PON2: variants seen among roughly 807,000 people sequenced by gnomAD.
The protein encoded by PON2 is serum paraoxonase/arylesterase 2.
PON2 carries 27 observed loss-of-function variants against 36.6 expected under a neutral mutation model. The ratio of observed to expected loss-of-function variants is 0.74; its 90% CI spans 0.54 to 1.02. The LOEUF (loss-of-function observed/expected upper bound fraction) is 1.02, where lower values mean the gene tolerates loss of function less well. PON2 is among the 50% of genes least tolerant of loss of function. The pLI is 0.00. For missense variants in PON2, 363 were observed against 421.1 expected, an observed-to-expected ratio of 0.86 and a Z score of 1.21; for synonymous variants, 149 against 156.3, an observed-to-expected ratio of 0.95 and a Z score of 0.35.
In PON2 at chr7:95,410,098, C is replaced by G; in HGVS notation, c.498G>C (p.Val166=). The part of the protein sequence containing the change: ...KTVKHELLPS[V]NDITAVGPAH... ...CCGGTCCAACAGCTGTGATGTCATT[C>G]ACACTGAAAAAGAAAAATAGCATGT... Residue 166 remains valine, a synonymous_variant, in exon 6 of 9, where the codon GTG becomes GTC. Coordinates refer to ENST00000222572, the MANE Select transcript of PON2 (RefSeq NM_000305.3). 6.2e-7 allele frequency: 1 copy of G among 1,612,918 alleles called. No homozygotes were observed. Among genetic ancestry groups the G allele is most frequent in the South Asian group, 1.1e-5 (1 of 91,034 alleles).
chr7:95,421,576 A>G (rs1400222380), intron 2 of PON2, among the ~76,000 whole-genome samples: 16 of 152,224 alleles, frequency 1.1e-4, no homozygotes, highest in Admixed American at 1.0e-3. Context: ...AACTGTCTGC[A>G]TGATCCAGCA....
At position 95,405,309 on chromosome 7, in the gene PON2, CT is replaced by C. The variant is rs1436678466; in HGVS notation, c.*20del. Reference sequence around the variant, plus strand: ...GAAAATTAATTGTTAAGTTATCGCACTTTCATGCCAAAAGTACAATTTAGAG... The same window carrying C: ...GAAAATTAATTGTTAAGTTATCGCACTTCATGCCAAAAGTACAATTTAGAG... On this transcript the variant is annotated 3_prime_UTR_variant, in exon 9 of 9. Coordinates refer to ENST00000222572, the MANE Select transcript of PON2 (RefSeq NM_000305.3). The C allele has an allele frequency of 6.2e-7, 1 of 1,611,514 alleles. No individual in the cohort carries two copies. The highest frequency in any genetic ancestry group is 8.5e-7 in the Non-Finnish European group (1 of 1,177,994).
intron 1 of PON2, among the ~76,000 whole-genome samples, chr7:95,427,375 T>G (rs1439915751): frequency 6.6e-6 from 1 of 152,122 alleles, no homozygotes; most frequent in Admixed American, 6.5e-5. Flanking sequence ...ATTGTAGTGG[T>G]GGGCAAAGCA....
intron 6 of PON2, chr7:95,409,550 C>G (rs1809811253): frequency 6.6e-6 from 1 of 151,712 alleles, no homozygotes; most frequent in Admixed American, 6.6e-5. Flanking sequence ...CCTGATACTT[C>G]AATATGTATG....
At chr7:95,427,358 C>T (rs909491370) in intron 1 of PON2, among the ~76,000 whole-genome samples, 9 of 152,022 alleles carry the variant, frequency 5.9e-5, no homozygotes, top group African/African-American at 1.4e-4. Context: ...TCTCCCTTGT[C>T]GTTTCTATTG....
rs755721986 is a variant in PON2, at chr7:95,416,241, C to A, written c.201+1G>T. ...ATTTGGGGAAGGAAGAAGACACTCA[C>A]CACACTAAAAAAAGCCAGACCATTG... On this transcript the variant is annotated splice_donor_variant, in intron 3 of 8. Coordinates refer to ENST00000222572, the MANE Select transcript of PON2 (RefSeq NM_000305.3). LOFTEE classifies it high-confidence loss of function. 9.9e-6 allele frequency: 16 copies of A among 1,612,104 alleles called. No homozygotes were observed. Among genetic ancestry groups the A allele is most frequent in the Non-Finnish European group, 1.3e-5 (15 of 1,178,238 alleles).
chr7:95,416,818 T>G (rs1789073928), intron 2 of PON2, among the ~76,000 whole-genome samples: 1 of 152,190 alleles, frequency 6.6e-6, no homozygotes, highest in South Asian at 2.1e-4. Flanking sequence ...GCTTTTCTAT[T>G]TAATCTTTAA....
At position 95,405,233 on chromosome 7, in the gene PON2, A is replaced by G. The variant is rs1373432126; in HGVS notation, c.*97T>C. ...ATAAAATTAACTACACATGCCATAC[A>G]TTTCTGGGTCAATGTTGCTGGTTAA... On this transcript the variant is annotated 3_prime_UTR_variant, in exon 9 of 9. Coordinates refer to ENST00000222572, the MANE Select transcript of PON2 (RefSeq NM_000305.3). The G allele has an allele frequency of 3.0e-6, 4 of 1,330,820 alleles. No individual in the cohort carries two copies. Among genetic ancestry groups the G allele is most frequent in the Non-Finnish European group, 4.2e-6 (4 of 941,734 alleles). 82.4% of individuals were successfully genotyped at this position (1,330,820 alleles called of 1,614,324 possible).
chr7:95,411,595 T>C (rs1441743187), intron 5 of PON2, 58 bp downstream of exon 5: 1 of 1,597,984 alleles, frequency 6.3e-7, no homozygotes, highest in South Asian at 1.1e-5. Flanking sequence ...CAACCCACCA[T>C]AGGGATTGTT....
At chr7:95,418,968 T>C (rs1406286154) in intron 2 of PON2, among the ~76,000 whole-genome samples, 1 of 152,218 alleles carries the variant, frequency 6.6e-6, no homozygotes, top group Non-Finnish European at 1.5e-5. Flanking sequence ...CTACCACTTA[T>C]CCTCATCCTG....
At position 95,428,575 on chromosome 7, in the gene PON2, A is replaced by T. The variant is rs182968835; in HGVS notation, c.75-3990T>A. Reference sequence around the variant, plus strand: ...TTGTAGATAGCTCAAAGTGCCATTTACATTCATTGCAACTTCAAAATATCT... The same window carrying T: ...TTGTAGATAGCTCAAAGTGCCATTTTCATTCATTGCAACTTCAAAATATCT... On this transcript the variant is annotated intron_variant, in intron 1 of 8. Transcript: ENST00000222572. Among the ~76,000 whole-genome samples the T allele has an allele frequency of 4.6e-5, 7 of 152,342 alleles. No individual in the cohort carries two copies. In the East Asian group the frequency reaches 1.3e-3, roughly 29 times the overall value.
chr7:95,434,846 G>A (rs1789527882), intron 1 of PON2, 32 bp downstream of exon 1: 3 of 1,534,672 alleles, frequency 2.0e-6, no homozygotes, highest in Non-Finnish European at 2.6e-6. Context: ...CCTGGGGACC[G>A]CCGAGGAGGG....
At chr7:95,416,837 TTTAAA>T (rs1789074428) in intron 2 of PON2, among the ~76,000 whole-genome samples, 2 of 152,282 alleles carry the variant, frequency 1.3e-5, no homozygotes, top group South Asian at 4.1e-4. Context: ...AAATTTAGGC[TTTAAA>T]TTAGAGAAAA....
At chr7:95,423,916 A>G (rs945154811) in intron 2 of PON2, among the ~76,000 whole-genome samples, 4 of 152,174 alleles carry the variant, frequency 2.6e-5, no homozygotes, top group African/African-American at 4.8e-5. Flanking sequence ...AAGCCCTTAT[A>G]AAACCATCAG....
chr7:95,417,088 A>C (rs1194679304), intron 2 of PON2, among the ~76,000 whole-genome samples: 1 of 151,286 alleles, frequency 6.6e-6, no homozygotes, highest in Non-Finnish European at 1.5e-5. Flanking sequence ...AAAATGGCTT[A>C]GATTAAGCCA....
Position 95,411,650 on chromosome 7 carries a change from T to C in PON2, c.494+3A>G. ...TTAGAGAAGGAACAAAATGAGGAAGTACCTTGGAAGAAGCTCATGTTTGAC... is the reference window on the plus strand; with the variant it reads ...TTAGAGAAGGAACAAAATGAGGAAGCACCTTGGAAGAAGCTCATGTTTGAC... On this transcript the variant is annotated splice_donor_region_variant and intron_variant, in intron 5 of 8. Coordinates refer to ENST00000222572, the MANE Select transcript of PON2 (RefSeq NM_000305.3). 2 of 1,613,916 alleles carry C rather than the reference T, an allele frequency of 1.2e-6. No individual in the cohort carries two copies. The highest frequency in any genetic ancestry group is 1.1e-5 in the South Asian group (1 of 91,068).
At position 95,414,301 on chromosome 7, in the gene PON2, TA is replaced by T. The variant is rs531038241; in HGVS notation, c.202-1825del. Reference sequence around the variant, plus strand: ...CTCCACAATGTAGGACCTCTTTATTTAGAAGAGAGTACACTCTAGGTTTTAT... The same window carrying T: ...CTCCACAATGTAGGACCTCTTTATTTGAAGAGAGTACACTCTAGGTTTTAT... On this transcript the variant is annotated intron_variant, in intron 3 of 8. Transcript: ENST00000222572. Among the ~76,000 whole-genome samples the T allele has an allele frequency of 1.2e-4, 19 of 152,194 alleles. No homozygotes were observed. The East Asian group carries it at 3.5e-3, about 28-fold the overall frequency.
Position 95,410,074 on chromosome 7 carries a change from C to A in PON2, c.522G>T (p.Pro174=). The A allele has an allele frequency of 6.2e-7, 1 of 1,613,474 alleles. No individual in the cohort carries two copies. The highest frequency in any genetic ancestry group is 8.5e-7 in the Non-Finnish European group (1 of 1,179,700). The change falls in exon 6 of 9, where the codon CCG becomes CCT. Residue 174 remains proline, a synonymous_variant. Transcript: ENST00000222572. The part of the protein sequence containing the change: ...PSVNDITAVG[P]AHFYATNDHY... ...GGTCATTTGTGGCATAGAAATGTGC[C>A]GGTCCAACAGCTGTGATGTCATTCA...
chr7:95,416,479 T>C (rs924403548), intron 2 of PON2, 182 bp from the exon 3 acceptor site: 12 of 661,532 alleles, frequency 1.8e-5, no homozygotes, highest in Non-Finnish European at 2.9e-5. Flanking sequence ...GAAGTGAACT[T>C]CTGACTTTAA....
Sources: gnomAD v4.1 joint callset for allele counts (sites outside exome capture counted in the v4.1 genomes callset) on GRCh38, gnomAD v4.1.1 for gene constraint, MANE v1.5 for transcripts, NCBI Gene and HGNC (gene_info 2026-07-23, HGNC 2026-07-21) for gene names.